Variants in KRT222 observed in about 807,000 individuals in gnomAD.
The protein encoded by KRT222 is keratin 222.
In KRT222, 23 loss-of-function variants were observed where a neutral mutation model predicts 35.0. The ratio of observed to expected loss-of-function variants is 0.66; its 90% CI spans 0.47 to 0.93. The LOEUF is 0.93. Among genes scored for constraint, KRT222 ranks in the 40% least tolerant of loss-of-function variants. The pLI is 0.00. For missense variants in KRT222, 339 were observed against 346.3 expected (o/e 0.98, Z 0.17); for synonymous variants, 108 against 118.8 (o/e 0.91, Z 0.59).
Position 40,665,144 on chromosome 17 carries a change from G to T in KRT222, c.-45C>A, listed in dbSNP as rs1399129545. The T allele has an allele frequency of 1.9e-6, 3 of 1,577,050 alleles. No individual in the cohort carries two copies. Among genetic ancestry groups the T allele is most frequent in the Non-Finnish European group, 2.6e-6 (3 of 1,148,274 alleles). ...TTGGCTAACTGAACCTTATCGATAG[G>T]ATGAGTCGCTGCGGCAGTCTGCTCG... On this transcript the variant is annotated 5_prime_UTR_variant, in exon 1 of 6. Coordinates refer to ENST00000394052, the MANE Select transcript of KRT222 (RefSeq NM_152349.3).
At position 40,656,611 on chromosome 17, in the gene KRT222, C is replaced by A. The variant is rs1271977549; in HGVS notation, c.679G>T (p.Val227Phe). 1 of 1,600,820 alleles carries A rather than the reference C, an allele frequency of 6.2e-7. No individual in the cohort carries two copies. The highest frequency in any genetic ancestry group is 1.1e-5 in the South Asian group (1 of 90,822). ...GTIQTEKVDE[V>F]IKEWEGSFFK... is the part of the protein sequence containing the mutation. ...AAAGAACCTTCCCATTCTTTAATAA[C>A]TTCATCCACTTTCTCTGTCCTGAAA... is the stretch of plus-strand genomic sequence containing the variant. Residue 227 changes from valine (V) to phenylalanine (F), a missense_variant, in exon 6 of 6, where the codon GTT becomes TTT. Transcript: ENST00000394052.
chr17:40,656,669 A>G (rs367905252), intron 5 of KRT222, 39 bp from the exon 6 acceptor site: 6 of 1,147,998 alleles, frequency 5.2e-6, no homozygotes, highest in Non-Finnish European at 7.7e-6. Context: ...ATGAAGAAGT[A>G]TGGGTCTATT....
At chr17:40,659,811 G>A (rs1255019891) in intron 3 of KRT222, among the ~76,000 whole-genome samples, 176 bp downstream of exon 3, 1 of 152,200 alleles carries the variant, frequency 6.6e-6, no homozygotes, top group Non-Finnish European at 1.5e-5. Flanking sequence ...AATTTTGGAA[G>A]ACTAGAAATG....
intron 1 of KRT222, among the ~76,000 whole-genome samples, chr17:40,664,719 G>A (rs935457026): frequency 4.6e-5 from 7 of 152,174 alleles, no homozygotes; most frequent in Non-Finnish European, 7.3e-5. Flanking sequence ...AGAGGTTAGA[G>A]TGCACCATTT....
chr17:40,656,336 G>A lies in KRT222; in HGVS notation c.*66C>T. ...TAATAACTTACATTTTGGGACAGAG[G>A]GAGTTGGTATGGCCCACCTTGGTCC... is the stretch of plus-strand genomic sequence containing the variant. On this transcript the variant is annotated 3_prime_UTR_variant, in exon 6 of 6. Transcript: ENST00000394052. The A allele has an allele frequency of 1.9e-6, 2 of 1,072,076 alleles. No homozygotes were observed. The highest frequency in any genetic ancestry group is 2.4e-5 in the East Asian group (1 of 42,140). The allele number at this position is 1,072,076 out of a possible 1,614,324, so 66.4% of individuals were successfully genotyped here.
chr17:40,665,177 C>T lies in KRT222; in HGVS notation c.-78G>A, dbSNP rs368430947. On this transcript the variant is annotated 5_prime_UTR_variant, in exon 1 of 6. Transcript: ENST00000394052. ...GCTGCGGCAGTCTGCTCGGTCTGCG[C>T]GGAAGGCAGGGAGCCTCGCAGAGTT... 2.8e-3 allele frequency: 3,787 copies of T among 1,359,320 alleles called. 109 individuals carry two copies. The South Asian group carries it at 0.042, about 15-fold the overall frequency. 84.2% of individuals were successfully genotyped at this position (1,359,320 alleles called of 1,614,324 possible).
intron 3 of KRT222, 67 bp downstream of exon 3, chr17:40,659,920 C>T (rs2037370647): frequency 1.5e-6 from 2 of 1,334,710 alleles, no homozygotes; most frequent in South Asian, 1.2e-5. Context: ...TCTCTGACTA[C>T]ATCAACAATG....
intron 3 of KRT222, among the ~76,000 whole-genome samples, chr17:40,658,087 T>C (rs1056774440): frequency 6.6e-6 from 1 of 151,582 alleles, no homozygotes; most frequent in African/African-American, 2.4e-5. Context: ...GAGATTAGGG[T>C]ATGTGGCTTA....
rs2144028929 is a variant in KRT222, at chr17:40,656,725, T to A, written c.660-95A>T. 3 of 645,632 alleles carry A rather than the reference T, an allele frequency of 4.6e-6. No homozygotes were observed. In the East Asian group the frequency reaches 8.3e-5, roughly 18 times the overall value. 40.0% of individuals were successfully genotyped at this position (645,632 alleles called of 1,614,324 possible). On this transcript the variant is annotated intron_variant, in intron 5 of 5. Transcript: ENST00000394052. ...TCATATCTATGGAAAAATCAAGAAA[T>A]TTGTATAATTTATAGTGTATAGAAT...
chr17:40,664,928 G>A (rs1488705313), intron 1 of KRT222, 76 bp downstream of exon 1: 2 of 1,605,910 alleles, frequency 1.2e-6, no homozygotes, highest in Non-Finnish European at 1.7e-6. Context: ...GTACCTCAGA[G>A]AGGCCGGGAC....
intron 1 of KRT222, among the ~76,000 whole-genome samples, chr17:40,663,835 A>T (rs933376065): frequency 1.3e-5 from 2 of 152,156 alleles, no homozygotes; most frequent in Non-Finnish European, 2.9e-5. Context: ...AACTAAACTC[A>T]TATTTCTACT....
intron 3 of KRT222, among the ~76,000 whole-genome samples, chr17:40,658,488 G>A (rs973631695): frequency 6.6e-6 from 1 of 152,004 alleles, no homozygotes; most frequent in Non-Finnish European, 1.5e-5. Flanking sequence ...CTTACAATGT[G>A]CCAGGTATTG....
rs2037334072 is a variant in KRT222 at position 40,654,959 on chromosome 17, C to A, written c.*1443G>T. ...GAAAGAAAATTAAAAATTTTATATCCCTGTATTATGTTAAAGATTATTTAA... is the reference window on the plus strand; with the variant it reads ...GAAAGAAAATTAAAAATTTTATATCACTGTATTATGTTAAAGATTATTTAA... On this transcript the variant is annotated 3_prime_UTR_variant, in exon 6 of 6. Transcript: ENST00000394052. 1 of 147,138 alleles carries A rather than the reference C, an allele frequency of 6.8e-6. No individual in the cohort carries two copies. The highest frequency in any genetic ancestry group is 2.5e-5 in the African/African-American group (1 of 40,278). 9.1% of individuals were successfully genotyped at this position (147,138 alleles called of 1,614,324 possible). A position where few individuals can be genotyped will look rare whatever the true frequency, so the allele number is the denominator to read the frequency against.
chr17:40,660,305 G>C, intron 2 of KRT222, 98 bp from the exon 3 acceptor site: 1 of 958,510 alleles, frequency 1.0e-6, no homozygotes, highest in South Asian at 1.6e-5. Flanking sequence ...TTTTGAGATG[G>C]AGTCTCACCC....
At chr17:40,659,371 C>T (rs765163164) in intron 3 of KRT222, among the ~76,000 whole-genome samples, 27 of 151,838 alleles carry the variant, frequency 1.8e-4, no homozygotes, top group Non-Finnish European at 2.6e-4. Flanking sequence ...GACAGGGTTT[C>T]GCCATGTTGG....
chr17:40,656,573 G>A lies in KRT222; in HGVS notation c.717C>T (p.Asn239=). The A allele has an allele frequency of 3.1e-6, 5 of 1,613,442 alleles. No homozygotes were observed. The highest frequency in any genetic ancestry group is 4.2e-6 in the Non-Finnish European group (5 of 1,179,514). The change falls in exon 6 of 6, where the codon AAC becomes AAT. Residue 239 remains asparagine, a synonymous_variant. Coordinates refer to ENST00000394052, the MANE Select transcript of KRT222 (RefSeq NM_152349.3). ...KEWEGSFFKD[N]PRLRKKSVSL... ...AAACAGACTTTTTCCTCAATCGAGG[G>A]TTATCTTTAAAGAAAGAACCTTCCC...
chr17:40,657,498 A>G lies in KRT222; in HGVS notation c.524-11T>C. The G allele has an allele frequency of 6.4e-7, 1 of 1,566,706 alleles. No homozygotes were observed. On this transcript the variant is annotated splice_polypyrimidine_tract_variant and intron_variant, in intron 4 of 5. Coordinates refer to ENST00000394052, the MANE Select transcript of KRT222 (RefSeq NM_152349.3). The stretch of plus-strand genomic sequence containing the variant: ...TTTCATTTATAATGGCTGTGAAAAT[A>G]TCATTTATGATATATTAAATTACAG...
chr17:40,663,560 A>C (rs2037400152), intron 1 of KRT222, among the ~76,000 whole-genome samples: 2 of 152,250 alleles, frequency 1.3e-5, no homozygotes, highest in African/African-American at 2.4e-5. Flanking sequence ...TGCCAGACAC[A>C]TAAGTGAGCC....
Position 40,662,724 on chromosome 17 carries a change from C to T in KRT222, c.97-680G>A, listed in dbSNP as rs539283437. On this transcript the variant is annotated intron_variant, in intron 1 of 5. Coordinates refer to ENST00000394052, the MANE Select transcript of KRT222 (RefSeq NM_152349.3). ...CTAAGGATTGTTTTCTAAATATTCT[C>T]CTATTAAAAAAGTAGAATATTTTAT... 3.3e-5 allele frequency among the ~76,000 whole-genome samples: 5 copies of T among 151,934 alleles called. No individual in the cohort carries two copies. The East Asian group carries it at 5.8e-4, about 18-fold the overall frequency.
Sources: allele counts gnomAD v4.1 joint callset (sites outside exome capture counted in the v4.1 genomes callset), GRCh38; gene constraint gnomAD v4.1.1; transcripts MANE v1.5; gene names NCBI Gene and HGNC (gene_info 2026-07-23, HGNC 2026-07-21).